The following CADM2 variants were observed in gnomAD, a reference collection of about 807,000 sequenced individuals.
CADM2 encodes cell adhesion molecule 2.
CADM2 carries 12 observed loss-of-function variants against 49.8 expected under a neutral mutation model. That is an observed-to-expected ratio of 0.24 (90% CI 0.15 to 0.39). The LOEUF is 0.39. CADM2 is among the 10% of genes least tolerant of loss of function. The pLI is 1.00. For synonymous variants in CADM2, 214 were observed against 175.4 expected (o/e 1.22, Z -1.74); for missense variants, 378 against 492.3 (o/e 0.77, Z 2.20).
At chr3:85,712,354 A>G (rs2067143572) in intron 1 of CADM2, among the ~76,000 whole-genome samples, 13 of 152,164 alleles carry the variant, frequency 8.5e-5, no homozygotes, top group Admixed American at 8.5e-4. Flanking sequence ...TATCACAGTT[A>G]TGTAGTTGGT....
intron 1 of CADM2, among the ~76,000 whole-genome samples, chr3:85,158,781 T>G (rs1221285453): frequency 1.3e-5 from 2 of 152,060 alleles, no homozygotes; most frequent in African/African-American, 4.8e-5. Context: ...GCATGGCAGA[T>G]GTATACATAT....
In CADM2 at chr3:85,595,779, C is replaced by A. The variant is rs184526245; in HGVS notation, c.62-130743C>A. 3.5e-3 allele frequency among the ~76,000 whole-genome samples: 536 copies of A among 152,024 alleles called. 7 individuals carry two copies. The highest frequency in any genetic ancestry group is 0.012 in the African/African-American group (501 of 41,522). ...ATTTAAGTGCAATATGTTATTTATTCTTAAAATAAAAACATTAAACAAGTG... is the reference window on the plus strand; with the variant it reads ...ATTTAAGTGCAATATGTTATTTATTATTAAAATAAAAACATTAAACAAGTG... On this transcript the variant is annotated intron_variant, in intron 1 of 9. Transcript: ENST00000383699.
intron 1 of CADM2, among the ~76,000 whole-genome samples, chr3:85,000,453 A>AC (rs1207646170): frequency 3.3e-5 from 5 of 151,338 alleles, no homozygotes; most frequent in Non-Finnish European, 7.4e-5. Context: ...TCACAAAAAA[A>AC]AACAGTCTTT....
At chr3:85,280,264 G>T (rs1180407612) in intron 1 of CADM2, among the ~76,000 whole-genome samples, 2 of 151,470 alleles carry the variant, frequency 1.3e-5, no homozygotes, top group African/African-American at 4.8e-5. Flanking sequence ...GTCTGAAAAG[G>T]TCTTTATTTC....
chr3:85,049,714 A>G (rs1193478909), intron 1 of CADM2, among the ~76,000 whole-genome samples: 1 of 152,200 alleles, frequency 6.6e-6, no homozygotes, highest in African/African-American at 2.4e-5. Context: ...TTCTGCATAG[A>G]ATCTATATTT....
At chr3:85,670,146 A>C (rs1378652258) in intron 1 of CADM2, among the ~76,000 whole-genome samples, 1 of 152,290 alleles carries the variant, frequency 6.6e-6, no homozygotes, top group Non-Finnish European at 1.5e-5. Flanking sequence ...CCAGCGGAAA[A>C]GAAATAGAAC....
intron 1 of CADM2, among the ~76,000 whole-genome samples, chr3:85,198,224 TA>T (rs1230685752): frequency 1.3e-5 from 2 of 151,886 alleles, no homozygotes; most frequent in African/African-American, 4.8e-5. Context: ...AATGATATTC[TA>T]AAATACCCTA....
chr3:85,753,935 G>A (rs138238114), intron 2 of CADM2, among the ~76,000 whole-genome samples: 132 of 152,232 alleles, frequency 8.7e-4, no homozygotes, highest in African/African-American at 3.1e-3. Context: ...AGATTCAAGT[G>A]TGTGGCTTGA....
At position 85,427,200 on chromosome 3, in the gene CADM2, A is replaced by ATATATATT. The variant is rs1491378560; in HGVS notation, c.62-299321_62-299320insATATATTT. On this transcript the variant is annotated intron_variant, in intron 1 of 9. Coordinates refer to ENST00000383699, the MANE Select transcript of CADM2 (RefSeq NM_001167675.2). ...TATATATATATATATATATATATAT[A>ATATATATT]TGTATAATAAGTTTGTAGCTACCAT... 8.0e-4 allele frequency among the ~76,000 whole-genome samples: 101 copies of ATATATATT among 126,594 alleles called. 1 individual carries two copies. The South Asian group carries it at 9.4e-3, about 12-fold the overall frequency. The allele number at this position is 126,594 out of a possible 152,430, so 83.1% of individuals were successfully genotyped here.
At chr3:85,380,742 A>G (rs2107352857) in intron 1 of CADM2, among the ~76,000 whole-genome samples, 1 of 152,066 alleles carries the variant, frequency 6.6e-6, no homozygotes, top group East Asian at 1.9e-4. Flanking sequence ...AATTCTAAAT[A>G]TCCTCCATTT....
At chr3:85,224,151 T>C (rs984453972) in intron 1 of CADM2, among the ~76,000 whole-genome samples, 6 of 152,182 alleles carry the variant, frequency 3.9e-5, no homozygotes, top group Non-Finnish European at 7.3e-5. Flanking sequence ...ATGGTATTTC[T>C]GGTTTTAGAT....
chr3:85,838,677 G>GA (rs1433689139), intron 3 of CADM2, among the ~76,000 whole-genome samples: 1 of 151,528 alleles, frequency 6.6e-6, no homozygotes, highest in Non-Finnish European at 1.5e-5. Flanking sequence ...AGCCAAGGTT[G>GA]AAAAAATCAT....
At chr3:86,052,959 C>T (rs1235457338) in intron 8 of CADM2, among the ~76,000 whole-genome samples, 1 of 152,060 alleles carries the variant, frequency 6.6e-6, no homozygotes, top group Non-Finnish European at 1.5e-5. Flanking sequence ...TATCTGATCA[C>T]TACATTCTTA....
At chr3:85,769,907 A>G (rs550289458) in intron 2 of CADM2, among the ~76,000 whole-genome samples, 1 of 152,052 alleles carries the variant, frequency 6.6e-6, no homozygotes, top group Non-Finnish European at 1.5e-5. Context: ...TTTTGATGCT[A>G]GAACATAAAA....
intron 3 of CADM2, among the ~76,000 whole-genome samples, chr3:85,874,033 T>G (rs779513869): frequency 2.0e-5 from 3 of 151,970 alleles, no homozygotes; most frequent in African/African-American, 7.2e-5. Flanking sequence ...TTAATAAAAT[T>G]TATATTATTT....
At chr3:85,700,597 A>G (rs753598684) in intron 1 of CADM2, among the ~76,000 whole-genome samples, 2 of 152,282 alleles carry the variant, frequency 1.3e-5, no homozygotes, top group Non-Finnish European at 2.9e-5. Context: ...CTGTTTAAAA[A>G]TTTATTCTGC....
intron 3 of CADM2, among the ~76,000 whole-genome samples, chr3:85,850,360 C>T (rs940994105): frequency 7.5e-5 from 10 of 132,924 alleles, no homozygotes; most frequent in Non-Finnish European, 1.4e-4. Flanking sequence ...AGTCTCGCTC[C>T]GTCGCCCAGG....
intron 1 of CADM2, among the ~76,000 whole-genome samples, chr3:85,723,562 C>A (rs1203824649): frequency 6.6e-6 from 1 of 152,022 alleles, no homozygotes; most frequent in East Asian, 1.9e-4. Flanking sequence ...TTATATTAAC[C>A]TAGTCTAGTA....
chr3:85,019,557 C>G (rs1010436032), intron 1 of CADM2, among the ~76,000 whole-genome samples: 3 of 152,138 alleles, frequency 2.0e-5, no homozygotes, highest in African/African-American at 7.2e-5. Context: ...CAATTGGCCA[C>G]TCTAACTAAC....
Sources: allele counts gnomAD v4.1 joint callset (sites outside exome capture counted in the v4.1 genomes callset), GRCh38; gene constraint gnomAD v4.1.1; transcripts MANE v1.5; gene names NCBI Gene and HGNC (gene_info 2026-07-23, HGNC 2026-07-21).